HIRIP3: variants seen among roughly 807,000 people sequenced by gnomAD.
HIRIP3 encodes HIRA-interacting protein 3.
In HIRIP3, 40 loss-of-function variants were observed where a neutral mutation model predicts 50.3. The ratio of observed to expected loss-of-function variants is 0.79; its 90% CI spans 0.62 to 1.03. The LOEUF (loss-of-function observed/expected upper bound fraction) is 1.03, where lower values mean the gene tolerates loss of function less well. Ranked by LOEUF, HIRIP3 falls within the 50% of genes least tolerant of loss-of-function variation. HIRIP3 has a pLI of 0.00. For synonymous variants in HIRIP3, 318 were observed against 261.6 expected (o/e 1.22, Z -2.08); for missense variants, 765 against 705.4 (o/e 1.08, Z -0.96).
chr16:29,994,942 G>A (rs2070054302), intron 3 of HIRIP3, 99 bp from the exon 4 acceptor site: 1 of 1,493,830 alleles, frequency 6.7e-7, no homozygotes, highest in Non-Finnish European at 9.0e-7. Flanking sequence ...GACAGTTGGA[G>A]GGGCAGCAGG....
chr16:29,994,291 A>G lies in HIRIP3; in HGVS notation c.854T>C (p.Leu285Pro). Residue 285 changes from leucine to proline, a missense_variant, in exon 4 of 7, where the codon CTC becomes CCC. By Grantham distance (98) the Leu-to-Pro change is moderately conservative. Coordinates refer to ENST00000279392, the MANE Select transcript of HIRIP3 (RefSeq NM_003609.5). ...SCKQKSQAKR[L>P]LGDSDSEEEQ... ...TTCCTCGCTGTCTGAGTCTCCCAAG[A>G]GCCTCTTTGCCTGGCTTTTCTGCTT... The G allele has an allele frequency of 6.2e-7, 1 of 1,613,932 alleles. No individual in the cohort carries two copies. Among genetic ancestry groups the G allele is most frequent in the Non-Finnish European group, 8.5e-7 (1 of 1,179,976 alleles).
At position 29,993,806 on chromosome 16, in the gene HIRIP3, A is replaced by AG. The variant is rs1324785039; in HGVS notation, c.1241dup (p.Gly415TrpfsTer75). On this transcript the variant is annotated frameshift_variant and splice_region_variant, in exon 5 of 7. Coordinates refer to ENST00000279392, the MANE Select transcript of HIRIP3 (RefSeq NM_003609.5). LOFTEE classifies it high-confidence loss of function. ...GGTCCTCTCCACGGCGACCTGAGCC[A>AG]GCCTAGCAAGGAAAGAGCAGCTGAA... is the stretch of plus-strand genomic sequence containing the variant. The AG allele has an allele frequency of 1.4e-5, 23 of 1,613,354 alleles. No individual in the cohort carries two copies. Among genetic ancestry groups the AG allele is most frequent in the Non-Finnish European group, 1.9e-5 (22 of 1,180,002 alleles).
At chr16:29,995,741 C>T, upstream of HIRIP3, 1 of 1,102,858 alleles carries the variant, frequency 9.1e-7, no homozygotes. Flanking sequence ...CCGCGGACCG[C>T]GTGGGCCGAG....
Position 29,995,588 on chromosome 16 carries a change from C to T in HIRIP3, c.18G>A (p.Glu6=), listed in dbSNP as rs757727801. 1.6e-5 allele frequency: 25 copies of T among 1,612,296 alleles called. No homozygotes were observed. The South Asian group carries it at 2.4e-4, about 16-fold the overall frequency. MAREK[E]MQEFTRSFFR... is the part of the protein sequence containing the mutation. ...AGAAGCTACGGGTGAACTCCTGCATCTCCTTCTCCCGCGCCATTTTGCTCA... is the reference window on the plus strand; with the variant it reads ...AGAAGCTACGGGTGAACTCCTGCATTTCCTTCTCCCGCGCCATTTTGCTCA... The change falls in exon 1 of 7, where the codon GAG becomes GAA. Residue 6 remains glutamate (E), a synonymous_variant. Transcript: ENST00000279392.
chr16:29,992,391 CTT>C lies in HIRIP3; in HGVS notation c.*814_*815del, dbSNP rs2069993624. On this transcript the variant is annotated 3_prime_UTR_variant, in exon 7 of 7. Coordinates refer to ENST00000279392, the MANE Select transcript of HIRIP3 (RefSeq NM_003609.5). ...CTAAACATTTCAGTGATTTTAATGA[CTT>C]TAGGTGTGACCAGATCTCGGATCTC... 2 of 152,184 alleles carry C rather than the reference CTT, an allele frequency of 1.3e-5. No individual in the cohort carries two copies. Among genetic ancestry groups the C allele is most frequent in the Admixed American group, 1.3e-4 (2 of 15,282 alleles). 9.4% of individuals were successfully genotyped at this position (152,184 alleles called of 1,614,324 possible). A position where few individuals can be genotyped will look rare whatever the true frequency, so the allele number is the denominator to read the frequency against.
chr16:29,993,575 G>T lies in HIRIP3; in HGVS notation c.1409-18C>A. The T allele has an allele frequency of 1.9e-6, 3 of 1,612,558 alleles. No homozygotes were observed. The highest frequency in any genetic ancestry group is 2.5e-6 in the Non-Finnish European group (3 of 1,179,018). On this transcript the variant is annotated intron_variant, in intron 5 of 6. Coordinates refer to ENST00000279392, the MANE Select transcript of HIRIP3 (RefSeq NM_003609.5). ...AGGGGTACCTGGGGCAGAAGAAGCT[G>T]GTGATTCTCTCCTCCCCAGCAGGAA... is the stretch of plus-strand genomic sequence containing the variant.
chr16:29,994,346 T>G lies in HIRIP3; in HGVS notation c.799A>C (p.Arg267=). 1 of 1,614,148 alleles carries G rather than the reference T, an allele frequency of 6.2e-7. No homozygotes were observed. Among genetic ancestry groups the G allele is most frequent in the Non-Finnish European group, 8.5e-7 (1 of 1,180,024 alleles). ...WKPRTRSNGR[R]KSAREERSCK... ...CTCCTCTCCTCCCTAGCTGACTTTC[T>G]CCGGCCATTGCTCCTGGTTCTGGGT... Residue 267 remains arginine (R), a synonymous_variant, in exon 4 of 7, where the codon AGA becomes CGA. Coordinates refer to ENST00000279392, the MANE Select transcript of HIRIP3 (RefSeq NM_003609.5).
intron 3 of HIRIP3, 108 bp downstream of exon 3, chr16:29,994,995 A>G (rs576283897): frequency 6.8e-7 from 1 of 1,477,708 alleles, no homozygotes; most frequent in Non-Finnish European, 9.3e-7. Context: ...CTGACTCACT[A>G]GCCTTGCTCC....
In HIRIP3 at chr16:29,994,362, G is replaced by T; in HGVS notation, c.783C>A (p.Thr261=). 1 of 1,614,118 alleles carries T rather than the reference G, an allele frequency of 6.2e-7. No individual in the cohort carries two copies. Among genetic ancestry groups the T allele is most frequent in the Non-Finnish European group, 8.5e-7 (1 of 1,180,016 alleles). ...CTGACTTTCTCCGGCCATTGCTCCTGGTTCTGGGTTTCCAATCCCCCTTTT... is the reference window on the plus strand; with the variant it reads ...CTGACTTTCTCCGGCCATTGCTCCTTGTTCTGGGTTTCCAATCCCCCTTTT... ...DEEKGDWKPR[T]RSNGRRKSAR... The change falls in exon 4 of 7, where the codon ACC becomes ACA. Residue 261 remains threonine, a synonymous_variant. Transcript: ENST00000279392.
Position 29,993,776 on chromosome 16 carries a change from C to T in HIRIP3, c.1272G>A (p.Pro424=), listed in dbSNP as rs746117392. The T allele has an allele frequency of 2.4e-5, 38 of 1,611,146 alleles. No individual in the cohort carries two copies. Among genetic ancestry groups the T allele is most frequent in the East Asian group, 4.5e-5 (2 of 44,888 alleles). Reference sequence around the variant, plus strand: ...TGTAGCGCTTCAGCCTCATCACAGCCGGGTGGTCCTCTCCACGGCGACCTG... The same window carrying T: ...TGTAGCGCTTCAGCCTCATCACAGCTGGGTGGTCCTCTCCACGGCGACCTG... ...AGSGRRGEDH[P]AVMRLKRYIR... Residue 424 remains proline, a synonymous_variant, in exon 5 of 7, where the codon CCG becomes CCA. Transcript: ENST00000279392.
upstream of HIRIP3, chr16:29,996,073 G>A (rs1166324704): frequency 1.7e-6 from 1 of 599,504 alleles, no homozygotes; most frequent in African/African-American, 1.9e-5. Context: ...CGCCATTTTT[G>A]TGGCGTCACC....
chr16:29,995,560 G>A lies in HIRIP3; in HGVS notation c.46C>T (p.Arg16Ter). The A allele has an allele frequency of 6.2e-7, 1 of 1,612,862 alleles. No individual in the cohort carries two copies. Reference sequence around the variant, plus strand: ...GGGCACCTGAGGTCCGGGCGGCCTCGGAAGAAGCTACGGGTGAACTCCTGC... The same window carrying A: ...GGGCACCTGAGGTCCGGGCGGCCTCAGAAGAAGCTACGGGTGAACTCCTGC... ...EMQEFTRSFFRGRPDLSTLTH... is the reference protein window; with the variant it reads ...EMQEFTRSFF The change falls in exon 1 of 7, where the codon CGA becomes TGA. Residue 16 changes from arginine to a stop codon, truncating the protein, a stop_gained. Coordinates refer to ENST00000279392, the MANE Select transcript of HIRIP3 (RefSeq NM_003609.5). LOFTEE classifies it high-confidence loss of function.
At chr16:29,995,840 C>A (rs534298902), upstream of HIRIP3, 295 of 606,958 alleles carry the variant, frequency 4.9e-4, 5 homozygotes, top group South Asian at 5.7e-3. Context: ...TTTAAAAGTT[C>A]TCGTTAGAAA....
chr16:29,993,512 TCCCTCTGCTCCTTCAGGG>T lies in HIRIP3; in HGVS notation c.1436_1453del (p.Ala479_Arg484del). The T allele has an allele frequency of 1.2e-6, 2 of 1,613,810 alleles. No individual in the cohort carries two copies. The highest frequency in any genetic ancestry group is 1.7e-6 in the Non-Finnish European group (2 of 1,179,818). ...CAAGGAGGCCACCTCAGCTGCCTCC[TCCCTCTGCTCCTTCAGGG>T]CCCGACACTTCCCTAGGGAAGGGGT... On this transcript the variant is annotated inframe_deletion, in exon 6 of 7. Coordinates refer to ENST00000279392, the MANE Select transcript of HIRIP3 (RefSeq NM_003609.5).
chr16:29,995,022 G>A, intron 3 of HIRIP3, 81 bp downstream of exon 3: 4 of 1,505,400 alleles, frequency 2.7e-6, no homozygotes, highest in Non-Finnish European at 3.7e-6. Flanking sequence ...TAACGCCTGG[G>A]GACATAAGAG....
chr16:29,994,674 C>T lies in HIRIP3; in HGVS notation c.471G>A (p.Glu157=), dbSNP rs771848295. The T allele has an allele frequency of 8.1e-6, 13 of 1,614,156 alleles. No homozygotes were observed. The highest frequency in any genetic ancestry group is 1.3e-5 in the African/African-American group (1 of 75,038). The change falls in exon 4 of 7, where the codon GAG becomes GAA. Residue 157 remains glutamate, a synonymous_variant. Transcript: ENST00000279392. The part of the protein sequence containing the change: ...RQRDLPAQRG[E]ESSEEEEKGY... ...CCTTTTCCTCCTCCTCACTGCTCTC[C>T]TCTCCCCTCTGTGCGGGCAGGTCCC...
In HIRIP3 at chr16:29,994,460, C is replaced by G; in HGVS notation, c.685G>C (p.Glu229Gln). 6.2e-7 allele frequency: 1 copy of G among 1,614,040 alleles called. No individual in the cohort carries two copies. The highest frequency in any genetic ancestry group is 8.5e-7 in the Non-Finnish European group (1 of 1,179,994). ...SLKESEQESEEEILAQKKEQR... is the reference protein window; with the variant it reads ...SLKESEQESEQEILAQKKEQR... ...TCTTTCTTCTGGGCTAGGATCTCCT[C>G]TTCACTCTCCTGTTCACTTTCCTTC... The change falls in exon 4 of 7, where the codon GAG becomes CAG. Residue 229 changes from glutamate (E) to glutamine (Q), a missense_variant. Coordinates refer to ENST00000279392, the MANE Select transcript of HIRIP3 (RefSeq NM_003609.5).
Position 29,995,235 on chromosome 16 carries a change from G to C in HIRIP3, c.187-18C>G. On this transcript the variant is annotated intron_variant, in intron 2 of 6. Transcript: ENST00000279392. ...TCATCCACCTGTGTGTGCGCCAAGA[G>C]GGCAAACTATGCACCAAGGCTGCGC... 2 of 1,614,134 alleles carry C rather than the reference G, an allele frequency of 1.2e-6. No individual in the cohort carries two copies. Among genetic ancestry groups the C allele is most frequent in the Non-Finnish European group, 1.7e-6 (2 of 1,179,974 alleles).
Position 29,994,004 on chromosome 16 carries a change from C to T in HIRIP3, c.1141G>A (p.Glu381Lys), listed in dbSNP as rs748700601. The change falls in exon 4 of 7, where the codon GAG becomes AAG. Residue 381 changes from glutamate (E) to lysine (K), a missense_variant. By Grantham distance (56) the Glu-to-Lys change is moderately conservative. Transcript: ENST00000279392. ...DSEAGGGPQG[E>K]RKNRSSKKSS... ...TTCTTGGAAGAGCGGTTCTTCCTCT[C>T]CCCCTGGGGGCCTCCCCCTGCCTCG... The T allele has an allele frequency of 1.3e-6, 2 of 1,595,006 alleles. No individual in the cohort carries two copies. Among genetic ancestry groups the T allele is most frequent in the Admixed American group, 1.7e-5 (1 of 57,444 alleles).
Sources: gnomAD v4.1 joint callset for allele counts on GRCh38, gnomAD v4.1.1 for gene constraint, MANE v1.5 for transcripts, NCBI Gene and HGNC (gene_info 2026-07-23, HGNC 2026-07-21) for gene names.